Variants in CELSR1 observed in about 807,000 individuals in gnomAD.
The protein encoded by CELSR1 is adhesion G protein-coupled receptor C1.
CELSR1 carries 110 observed loss-of-function variants against 249.1 expected under a neutral mutation model. The ratio of observed to expected loss-of-function variants is 0.44; its 90% CI spans 0.38 to 0.52. The LOEUF is 0.52. Among genes scored for constraint, CELSR1 ranks in the 20% least tolerant of loss-of-function variants. The pLI, the probability that CELSR1 is intolerant of heterozygous loss-of-function variation, is 0.00. For synonymous variants in CELSR1, 2,113 were observed against 1,900.0 expected (o/e 1.11, Z -2.92); for missense variants, 4,109 against 4,296.4 (o/e 0.96, Z 1.22).
chr22:46,462,242 T>C (rs2080037900), intron 2 of CELSR1, among the ~76,000 whole-genome samples: 1 of 152,178 alleles, frequency 6.6e-6, no homozygotes, highest in African/African-American at 2.4e-5. Flanking sequence ...CTAGCAGGCG[T>C]GGGAACACCA....
In CELSR1 at chr22:46,441,274, C is replaced by T. The variant is rs2079745218; in HGVS notation, c.4184-1863G>A. On this transcript the variant is annotated intron_variant, in intron 2 of 34. Transcript: ENST00000674500. This position sits in a 1 kb window ranked among gnomAD's most constrained non-coding sequence, Gnocchi z 6.1. The stretch of plus-strand genomic sequence containing the variant: ...GGCAGCATCTTCCTGGAGCCCAGAC[C>T]TCGCTGGAGTCCCCAGAGTGGGATG... Among the ~76,000 whole-genome samples, 1 of 152,144 alleles carries T rather than the reference C, an allele frequency of 6.6e-6. No individual in the cohort carries two copies. The highest frequency in any genetic ancestry group is 2.4e-5 in the African/African-American group (1 of 41,438).
rs1602098957 is a variant in CELSR1, at chr22:46,412,020, G to A, written c.4612-261C>T. 6.6e-6 allele frequency among the ~76,000 whole-genome samples: 1 copy of A among 152,304 alleles called. No individual in the cohort carries two copies. Among genetic ancestry groups the A allele is most frequent in the African/African-American group, 2.4e-5 (1 of 41,574 alleles). On this transcript the variant is annotated intron_variant, in intron 5 of 34. Transcript: ENST00000674500. The surrounding 1 kb of genome is among the most constrained non-coding windows in gnomAD (Gnocchi z 4.5). ...GTGCTGATGGAATTAGCTAAGATGC[G>A]GACGTCCTGGAGTAGGCGGGCCCTG... is the stretch of plus-strand genomic sequence containing the variant.
intron 5 of CELSR1, among the ~76,000 whole-genome samples, chr22:46,431,922 T>C (rs1012442420): frequency 6.6e-6 from 1 of 152,152 alleles, no homozygotes; most frequent in Non-Finnish European, 1.5e-5. Context: ...CAAGCCCCAC[T>C]AGGGGTGACA....
chr22:46,502,300 GGAGGGGAGGAA>G (rs1181733410), intron 1 of CELSR1, among the ~76,000 whole-genome samples: 7 of 126,094 alleles, frequency 5.6e-5, no homozygotes, highest in Admixed American at 1.6e-4. Flanking sequence ...GGGAGGGTGG[GGAGGGGAGGAA>G]GAGGGGAGGA....
At chr22:46,475,281 G>A (rs560240524) in intron 1 of CELSR1, among the ~76,000 whole-genome samples, 22 of 152,184 alleles carry the variant, frequency 1.4e-4, no homozygotes, top group Non-Finnish European at 2.9e-4. Flanking sequence ...CAAGAAATAA[G>A]GAGGCCTTAA....
intron 1 of CELSR1, among the ~76,000 whole-genome samples, chr22:46,504,547 G>A (rs2080496919): frequency 6.8e-6 from 1 of 147,138 alleles, no homozygotes; most frequent in Non-Finnish European, 1.5e-5. Flanking sequence ...TGGCTGCTAA[G>A]CAGATAAAAA....
rs1602070539 is a variant in CELSR1 at position 46,393,605 on chromosome 22, G to C, written c.5964+537C>G. Among the ~76,000 whole-genome samples, 1 of 152,172 alleles carries C rather than the reference G, an allele frequency of 6.6e-6. No homozygotes were observed. The highest frequency in any genetic ancestry group is 1.5e-5 in the Non-Finnish European group (1 of 68,036). On this transcript the variant is annotated intron_variant, in intron 14 of 34. Coordinates refer to ENST00000674500, the MANE Select transcript of CELSR1 (RefSeq NM_001378328.1). This position sits in a 1 kb window ranked among gnomAD's most constrained non-coding sequence, Gnocchi z 4.1. ...ATACAAAAATTAGCTGGGCATGGTG[G>C]TGGGCGCCTATAATCCCAGCTACTC... is the stretch of plus-strand genomic sequence containing the variant.
intron 2 of CELSR1, among the ~76,000 whole-genome samples, chr22:46,461,521 T>C (rs938236558): frequency 1.3e-5 from 2 of 152,176 alleles, no homozygotes; most frequent in African/African-American, 4.8e-5. Context: ...GGAAGGCCGA[T>C]GCAGGTCTCA....
intron 23 of CELSR1, among the ~76,000 whole-genome samples, chr22:46,377,859 C>T (rs944606110): frequency 7.2e-5 from 11 of 152,228 alleles, no homozygotes; most frequent in Non-Finnish European, 2.9e-5. Flanking sequence ...AGGGCCACTT[C>T]ACATCAAAAA....
intron 25 of CELSR1, 44 bp downstream of exon 25, chr22:46,372,839 T>G: frequency 6.4e-7 from 1 of 1,559,084 alleles, no homozygotes; most frequent in Non-Finnish European, 8.7e-7. Context: ...TGGGGTCTGT[T>G]GGAAATCTGT....
At chr22:46,415,376 C>T (rs147110796) in intron 5 of CELSR1, among the ~76,000 whole-genome samples, 3,127 of 152,264 alleles carry the variant, frequency 0.021, 107 homozygotes, top group African/African-American at 0.071. Flanking sequence ...TCTCGAACTC[C>T]TGACCTCAAG....
intron 2 of CELSR1, among the ~76,000 whole-genome samples, chr22:46,459,901 A>G (rs1054165582): frequency 3.3e-5 from 5 of 152,144 alleles, no homozygotes; most frequent in African/African-American, 1.2e-4. Flanking sequence ...AGAGCAGAGC[A>G]CCACTAAACA....
intron 2 of CELSR1, among the ~76,000 whole-genome samples, chr22:46,461,908 CAG>C (rs756400586): frequency 3.3e-5 from 5 of 152,200 alleles, no homozygotes; most frequent in Non-Finnish European, 7.3e-5. Flanking sequence ...GCTGGCCCTT[CAG>C]AGAGGCAGAG....
chr22:46,456,660 CTA>C (rs2079956345), intron 2 of CELSR1, among the ~76,000 whole-genome samples: 1 of 62,554 alleles, frequency 1.6e-5, no homozygotes, highest in South Asian at 5.9e-4. Context: ...GAGACTCTGT[CTA>C]AAAAAAAAAA....
At chr22:46,451,951 G>GGGAGGCAGAGCCT (rs1246668733) in intron 2 of CELSR1, among the ~76,000 whole-genome samples, 26 of 152,200 alleles carry the variant, frequency 1.7e-4, no homozygotes, top group African/African-American at 6.3e-4. Flanking sequence ...CTGGTGCACA[G>GGGAGGCAGAGCCT]GGAGGCAGAG....
At chr22:46,461,181 G>A (rs575127208) in intron 2 of CELSR1, among the ~76,000 whole-genome samples, 8 of 152,314 alleles carry the variant, frequency 5.3e-5, no homozygotes, top group South Asian at 2.1e-4. Flanking sequence ...GAAGAGGGAC[G>A]GAGTAGAAAT....
chr22:46,533,839 T>C lies in CELSR1; in HGVS notation c.3332A>G (p.Tyr1111Cys), dbSNP rs751666367. ...LPDFQILFNN[Y>C]VTNKSNSFPT... ...GAAACTGTTGGACTTGTTGGTGACA[T>C]AGTTGTTGAAGAGGATCTGGAAGTC... Residue 1111 changes from tyrosine (Y) to cysteine (C), a missense_variant, in exon 1 of 35, where the codon TAT becomes TGT. By Grantham distance (194) the Tyr-to-Cys change is radical. Around this residue, in one of 7 missense-constraint regions of CELSR1, gnomAD observed 886 missense variants for 896.5 expected, o/e 0.99. Transcript: ENST00000674500. 2 of 1,613,908 alleles carry C rather than the reference T, an allele frequency of 1.2e-6. No homozygotes were observed. Among genetic ancestry groups the C allele is most frequent in the South Asian group, 1.1e-5 (1 of 91,080 alleles).
At chr22:46,524,559 T>C (rs1009216792) in intron 1 of CELSR1, among the ~76,000 whole-genome samples, 2 of 122,836 alleles carry the variant, frequency 1.6e-5, no homozygotes, top group Non-Finnish European at 1.8e-5. Context: ...TGTGTGTGTG[T>C]GTGTGTGTGT....
rs1046509876 is a variant in CELSR1 at position 46,410,370 on chromosome 22, G to A, written c.4933+28C>T. ...CGTCCAGCCAGATGCCACTGCGGCAGCTCCGACGCCCTGACGGCCACCCGT... is the reference window on the plus strand; with the variant it reads ...CGTCCAGCCAGATGCCACTGCGGCAACTCCGACGCCCTGACGGCCACCCGT... On this transcript the variant is annotated intron_variant, in intron 7 of 34. Transcript: ENST00000674500. The surrounding 1 kb of genome is among the most constrained non-coding windows in gnomAD (Gnocchi z 6.8). 2.5e-6 allele frequency: 4 copies of A among 1,602,254 alleles called. No individual in the cohort carries two copies. Among genetic ancestry groups the A allele is most frequent in the African/African-American group, 1.4e-5 (1 of 73,512 alleles).
Sources: allele counts gnomAD v4.1 joint callset (sites outside exome capture counted in the v4.1 genomes callset), GRCh38; gene constraint gnomAD v4.1.1; regional missense constraint gnomAD v4.1.1; non-coding constraint Gnocchi (gnomAD v3.1); transcripts MANE v1.5; gene names NCBI Gene and HGNC (gene_info 2026-07-23, HGNC 2026-07-21).